BTLA: variants seen among roughly 807,000 people sequenced by gnomAD.
BTLA encodes B- and T-lymphocyte attenuator.
BTLA carries 11 observed loss-of-function variants against 25.0 expected under a neutral mutation model. That is an observed-to-expected ratio of 0.44 (90% CI 0.28 to 0.73). The LOEUF (loss-of-function observed/expected upper bound fraction) is 0.73. BTLA is among the 30% of genes least tolerant of loss of function. The probability of loss-of-function intolerance (pLI) is 0.15; values close to 1 mark genes in which losing one functional copy is unlikely to be tolerated. For missense variants in BTLA, 282 were observed against 332.8 expected, an observed-to-expected ratio of 0.85 and a Z score of 1.19; for synonymous variants, 104 against 119.8, an observed-to-expected ratio of 0.87 and a Z score of 0.86.
chr3:112,471,415 G>C, intron 2 of BTLA, 60 bp from the exon 3 acceptor site: 1 of 1,540,986 alleles, frequency 6.5e-7, no homozygotes, highest in Non-Finnish European at 8.9e-7. Flanking sequence ...GGGATCAGCG[G>C]CACCCCTCTG....
At chr3:112,494,109 C>T (rs1197367291) in intron 1 of BTLA, among the ~76,000 whole-genome samples, 1 of 144,122 alleles carries the variant, frequency 6.9e-6, no homozygotes, top group African/African-American at 2.5e-5. Flanking sequence ...CACTCTATCT[C>T]AAAAAAAAAA....
At chr3:112,487,872 G>C (rs1256744707) in intron 1 of BTLA, among the ~76,000 whole-genome samples, 1 of 152,272 alleles carries the variant, frequency 6.6e-6, no homozygotes, top group East Asian at 1.9e-4. Flanking sequence ...CTTCATGGGG[G>C]AAGATAAATC....
intron 1 of BTLA, among the ~76,000 whole-genome samples, chr3:112,480,803 TC>T (rs2082314059): frequency 6.6e-6 from 1 of 152,138 alleles, no homozygotes; most frequent in African/African-American, 2.4e-5. Context: ...CTGCCCCTGG[TC>T]CCCCAAAACT....
chr3:112,477,163 A>G (rs746334772), intron 2 of BTLA, among the ~76,000 whole-genome samples: 13 of 152,132 alleles, frequency 8.5e-5, no homozygotes, highest in Non-Finnish European at 1.6e-4. Context: ...TTTTGTGTGA[A>G]CATATATTTT....
At chr3:112,474,314 T>C (rs1342467244) in intron 2 of BTLA, among the ~76,000 whole-genome samples, 3 of 152,184 alleles carry the variant, frequency 2.0e-5, no homozygotes, top group Non-Finnish European at 4.4e-5. Flanking sequence ...CCTCACCTTA[T>C]ACTTAGTTCA....
rs151184121 is a variant in BTLA at position 112,488,888 on chromosome 3, A to C, written c.89-9119T>G. Among the ~76,000 whole-genome samples, 312 of 152,294 alleles carry C rather than the reference A, an allele frequency of 2.0e-3. 15 individuals are homozygous for C. The East Asian group carries it at 0.054, about 26-fold the overall frequency. On this transcript the variant is annotated intron_variant, in intron 1 of 4. Coordinates refer to ENST00000334529, the MANE Select transcript of BTLA (RefSeq NM_181780.4). ...TGGCCTCCCAAAGTGCTAGTATTAC[A>C]GGCATGAGCCACCGCACCCAGCCGA...
intron 2 of BTLA, among the ~76,000 whole-genome samples, chr3:112,471,928 G>T (rs932150885): frequency 6.6e-6 from 1 of 152,188 alleles, no homozygotes; most frequent in Non-Finnish European, 1.5e-5. Context: ...ATGTTAATAC[G>T]CATTGAGGCC....
In BTLA at chr3:112,471,465, C is replaced by A. The variant is rs942385400; in HGVS notation, c.404-110G>T. The stretch of plus-strand genomic sequence containing the variant: ...GAGTGAAGGAGATTTCAGGCCAATG[C>A]CTCCATTTCCCCTTCAGAGGCATTC... On this transcript the variant is annotated intron_variant, in intron 2 of 4. Transcript: ENST00000334529. The A allele has an allele frequency of 3.4e-6, 4 of 1,176,216 alleles. No individual in the cohort carries two copies. In the African/African-American group the frequency reaches 4.6e-5, roughly 14 times the overall value. The allele number at this position is 1,176,216 out of a possible 1,614,324, so 72.9% of individuals were successfully genotyped here.
intron 1 of BTLA, among the ~76,000 whole-genome samples, chr3:112,483,358 G>T (rs2082328490): frequency 6.6e-6 from 1 of 151,644 alleles, no homozygotes; most frequent in Admixed American, 6.6e-5. Flanking sequence ...ATGTTGGTCA[G>T]GCTGGTCTTG....
At chr3:112,485,518 T>C in intron 1 of BTLA, among the ~76,000 whole-genome samples, 1 of 152,242 alleles carries the variant, frequency 6.6e-6, no homozygotes, top group East Asian at 1.9e-4. Context: ...ACAGTTGCTT[T>C]TGGCTGTTAC....
intron 2 of BTLA, 106 bp from the exon 3 acceptor site, chr3:112,471,461 A>G (rs2082261629): frequency 8.1e-7 from 1 of 1,232,968 alleles, no homozygotes; most frequent in African/African-American, 1.5e-5. Context: ...ATTTCAGGCC[A>G]ATGCCTCCAT....
intron 1 of BTLA, among the ~76,000 whole-genome samples, chr3:112,483,563 T>C (rs2082329892): frequency 1.3e-5 from 2 of 152,200 alleles, no homozygotes; most frequent in African/African-American, 4.8e-5. Context: ...ATGCTGGTTG[T>C]TAGGAAGCCT....
intron 2 of BTLA, among the ~76,000 whole-genome samples, chr3:112,476,542 C>T (rs765943445): frequency 3.9e-5 from 6 of 152,166 alleles, no homozygotes; most frequent in Non-Finnish European, 8.8e-5. Flanking sequence ...AGCCATGCTG[C>T]TATTGCAATA....
chr3:112,476,896 G>A (rs2082291462), intron 2 of BTLA, among the ~76,000 whole-genome samples: 1 of 152,008 alleles, frequency 6.6e-6, no homozygotes, highest in Non-Finnish European at 1.5e-5. Flanking sequence ...CTGTCTCTAT[G>A]GATTTGCCTA....
At chr3:112,474,047 G>A (rs2107314898) in intron 2 of BTLA, among the ~76,000 whole-genome samples, 1 of 152,216 alleles carries the variant, frequency 6.6e-6, no homozygotes, top group South Asian at 2.1e-4. Context: ...TGTTGTGCAA[G>A]GTGCTTTTCT....
At position 112,499,382 on chromosome 3, in the gene BTLA, A is replaced by G. The variant is rs1222592590; in HGVS notation, c.-24T>C. On this transcript the variant is annotated 5_prime_UTR_variant, in exon 1 of 5. Transcript: ENST00000334529. ...ATTTCCTGCACATATCAGTGATGGAAAAACTGCTCAAGTAGAAGGCTTTGC... is the reference window on the plus strand; with the variant it reads ...ATTTCCTGCACATATCAGTGATGGAGAAACTGCTCAAGTAGAAGGCTTTGC... 1.2e-6 allele frequency: 2 copies of G among 1,608,550 alleles called. No homozygotes were observed. The highest frequency in any genetic ancestry group is 2.2e-5 in the East Asian group (1 of 44,844).
intron 2 of BTLA, among the ~76,000 whole-genome samples, chr3:112,474,534 C>T (rs890562418): frequency 2.0e-5 from 3 of 151,786 alleles, no homozygotes; most frequent in African/African-American, 4.8e-5. Flanking sequence ...ACACAAATTC[C>T]AGCCTTCCAG....
At chr3:112,490,641 A>ACACACACACAC in intron 1 of BTLA, among the ~76,000 whole-genome samples, 1 of 136,540 alleles carries the variant, frequency 7.3e-6, no homozygotes, top group African/African-American at 2.7e-5. Context: ...ACACACACAC[A>ACACACACACAC]ATGTAAAATT....
At chr3:112,491,277 A>C (rs1409732815) in intron 1 of BTLA, among the ~76,000 whole-genome samples, 3 of 152,184 alleles carry the variant, frequency 2.0e-5, no homozygotes, top group Non-Finnish European at 2.9e-5. Flanking sequence ...CCACTTGCCC[A>C]CAGGTACACT....
Sources: allele counts gnomAD v4.1 joint callset (sites outside exome capture counted in the v4.1 genomes callset), GRCh38; gene constraint gnomAD v4.1.1; transcripts MANE v1.5; gene names NCBI Gene and HGNC (gene_info 2026-07-23, HGNC 2026-07-21).